ENO4: variants seen among roughly 807,000 people sequenced by gnomAD.
The protein encoded by ENO4 is enolase 4.
A neutral mutation model predicts 63.2 loss-of-function variants in ENO4; 53 were observed. That is an observed-to-expected ratio of 0.84 (90% CI 0.67 to 1.05). ENO4 has a LOEUF of 1.05. Among genes scored for constraint, ENO4 ranks in the 50% least tolerant of loss-of-function variants. The probability of loss-of-function intolerance (pLI) is 0.00; values close to 1 mark genes in which losing one functional copy is unlikely to be tolerated. For synonymous variants in ENO4, 266 were observed against 283.8 expected (o/e 0.94, Z 0.63); for missense variants, 719 against 772.0 (o/e 0.93, Z 0.81).
At chr10:116,906,373 C>T (rs1847972877) in intron 10 of ENO4, among the ~76,000 whole-genome samples, 1 of 152,198 alleles carries the variant, frequency 6.6e-6, no homozygotes, top group Non-Finnish European at 1.5e-5. Context: ...TACACAAGGG[C>T]ATCTTGCATT....
intron 1 of ENO4, among the ~76,000 whole-genome samples, chr10:116,850,387 G>C (rs1042483494): frequency 6.6e-6 from 1 of 152,000 alleles, no homozygotes; most frequent in Non-Finnish European, 1.5e-5. Context: ...CCCCTGCTGG[G>C]CTCAGAAGCC....
chr10:116,905,639 T>G (rs1371709912), intron 10 of ENO4, among the ~76,000 whole-genome samples: 2 of 152,210 alleles, frequency 1.3e-5, no homozygotes, highest in African/African-American at 4.8e-5. Flanking sequence ...AACCCATCTT[T>G]AATATTCTTG....
chr10:116,906,891 T>C, intron 10 of ENO4: 1 of 647,368 alleles, frequency 1.5e-6, no homozygotes, highest in Non-Finnish European at 2.4e-6. Flanking sequence ...TAATATTTTT[T>C]AAATGTGCAC....
chr10:116,871,590 T>TA (rs1174190498), intron 9 of ENO4, among the ~76,000 whole-genome samples: 2 of 152,206 alleles, frequency 1.3e-5, no homozygotes, highest in Non-Finnish European at 2.9e-5. Flanking sequence ...AAAAATAATT[T>TA]AACAAACTGC....
intron 13 of ENO4, among the ~76,000 whole-genome samples, chr10:116,880,480 C>A (rs1233650145): frequency 1.3e-5 from 2 of 152,112 alleles, no homozygotes; most frequent in African/African-American, 2.4e-5. Context: ...TTAGAAGCAC[C>A]TTGTATACTG....
intron 13 of ENO4, among the ~76,000 whole-genome samples, 157 bp downstream of exon 13, chr10:116,880,143 ATTG>A (rs1381427633): frequency 1.5e-4 from 23 of 152,310 alleles, no homozygotes; most frequent in African/African-American, 5.3e-4. Flanking sequence ...CACAATGTAT[ATTG>A]TTGTCTTAAT....
rs1322760934 is a variant in ENO4 at position 116,861,102 on chromosome 10, T to C, written c.848T>C (p.Leu283Pro). 6.5e-7 allele frequency: 1 copy of C among 1,549,488 alleles called. No individual in the cohort carries two copies. ...TLSMPLLMVS[L>P]VSCGKSSSGK... is the part of the protein sequence containing the mutation. ...TCTATGCCTTTGCTGATGGTATCGC[T>C]GGTCAGCTGTGGGAAGTCATCATCT... Residue 283 changes from leucine (L) to proline (P), a missense_variant, in exon 6 of 14, where the codon CTG (leucine) becomes CCG (proline). Around this residue, in one of 3 missense-constraint regions of ENO4, gnomAD observed 544 missense variants for 583.6 expected, o/e 0.93. Transcript: ENST00000341276.
chr10:116,889,731 G>A (rs575046921), intron 10 of ENO4, among the ~76,000 whole-genome samples: 4 of 152,186 alleles, frequency 2.6e-5, no homozygotes, highest in Non-Finnish European at 4.4e-5. Flanking sequence ...GAAACAGGAG[G>A]CTACAGGCTA....
intron 1 of ENO4, among the ~76,000 whole-genome samples, chr10:116,853,421 G>C (rs1846150146): frequency 1.3e-5 from 2 of 152,100 alleles, no homozygotes; most frequent in African/African-American, 2.4e-5. Flanking sequence ...ATAGCTTAGA[G>C]AGTTGAATGT....
intron 10 of ENO4, among the ~76,000 whole-genome samples, chr10:116,890,734 G>A (rs1847317849): frequency 6.6e-6 from 1 of 152,204 alleles, no homozygotes; most frequent in African/African-American, 2.4e-5. Context: ...CCCAAACGTG[G>A]GGCCTGAGCA....
intron 10 of ENO4, among the ~76,000 whole-genome samples, chr10:116,893,029 G>A (rs1010367050): frequency 6.6e-6 from 1 of 152,176 alleles, no homozygotes; most frequent in Non-Finnish European, 1.5e-5. Flanking sequence ...TGAGAGAATT[G>A]AGAATTACTC....
At chr10:116,874,339 G>A in intron 10 of ENO4, 138 bp downstream of exon 10, 2 of 894,858 alleles carry the variant, frequency 2.2e-6, no homozygotes, top group African/African-American at 1.7e-5. Context: ...TTGGATCGTT[G>A]TCATTCAAAA....
At chr10:116,906,411 T>C (rs769704732) in intron 10 of ENO4, among the ~76,000 whole-genome samples, 2 of 152,242 alleles carry the variant, frequency 1.3e-5, no homozygotes, top group Non-Finnish European at 2.9e-5. Flanking sequence ...AAATGCCTGG[T>C]TACCTACAAA....
In ENO4 at chr10:116,860,692, T is replaced by G. The variant is rs188521296; in HGVS notation, c.635-102T>G. ...TTGGGGGTTGAGGTAGAGCATTTGT[T>G]GTTCCCAGCCTCGGCTTTCATCCTT... On this transcript the variant is annotated intron_variant, in intron 4 of 13. Coordinates refer to ENST00000341276, the MANE Select transcript of ENO4 (RefSeq NM_001242699.2). 1.7e-5 allele frequency: 15 copies of G among 891,106 alleles called. No homozygotes were observed. In the East Asian group the frequency reaches 4.1e-4, roughly 25 times the overall value. The allele number at this position is 891,106 out of a possible 1,614,324, so 55.2% of individuals were successfully genotyped here.
chr10:116,889,637 T>G (rs1847273588), intron 10 of ENO4, among the ~76,000 whole-genome samples: 1 of 151,968 alleles, frequency 6.6e-6, no homozygotes, highest in Non-Finnish European at 1.5e-5. Context: ...AGTGGCAGAG[T>G]CAGAACAAGA....
chr10:116,892,491 A>G (rs1011713632), intron 10 of ENO4, among the ~76,000 whole-genome samples: 1 of 152,248 alleles, frequency 6.6e-6, no homozygotes, highest in Non-Finnish European at 1.5e-5. Context: ...CATGTTATTT[A>G]TAAGAAATAT....
chr10:116,858,256 A>T (rs748154186), intron 3 of ENO4, among the ~76,000 whole-genome samples: 97 of 152,160 alleles, frequency 6.4e-4, no homozygotes, highest in Non-Finnish European at 1.4e-3. Context: ...AAGGATGAGA[A>T]AGGGTATATG....
chr10:116,887,948 G>A (rs185724979), intron 10 of ENO4, among the ~76,000 whole-genome samples: 99 of 152,234 alleles, frequency 6.5e-4, no homozygotes, highest in Non-Finnish European at 1.2e-3. Context: ...ACCCGGTCAC[G>A]GGCACAAAAC....
intron 7 of ENO4, among the ~76,000 whole-genome samples, chr10:116,865,028 A>C (rs1329879775): frequency 1.3e-5 from 2 of 152,174 alleles, no homozygotes; most frequent in African/African-American, 4.8e-5. Context: ...TCGGGGGGAA[A>C]GAAAGATAAA....
Sources: allele counts gnomAD v4.1 joint callset (sites outside exome capture counted in the v4.1 genomes callset), GRCh38; gene constraint gnomAD v4.1.1; regional missense constraint gnomAD v4.1.1; transcripts MANE v1.5; gene names NCBI Gene and HGNC (gene_info 2026-07-23, HGNC 2026-07-21).